Variants in GALNTL6 observed in about 807,000 individuals in gnomAD.
GALNTL6 encodes polypeptide N-acetylgalactosaminyltransferase-like 6.
Under a neutral mutation model 73.7 loss-of-function variants are expected in GALNTL6, and 46 were observed. The ratio of observed to expected loss-of-function variants is 0.62; its 90% CI spans 0.49 to 0.80. The LOEUF is 0.80. GALNTL6 is among the 30% of genes least tolerant of loss of function. The pLI is 0.00. For missense variants in GALNTL6, 604 were observed against 755.0 expected (o/e 0.80, Z 2.34); for synonymous variants, 259 against 263.7 (o/e 0.98, Z 0.17).
intron 2 of GALNTL6, among the ~76,000 whole-genome samples, chr4:172,053,006 A>C (rs1730921400): frequency 6.6e-6 from 1 of 152,198 alleles, no homozygotes; most frequent in South Asian, 2.1e-4. Context: ...CAGGCAGCAC[A>C]ATGAAAGAAA....
At chr4:172,133,042 A>G (rs973381191) in intron 2 of GALNTL6, among the ~76,000 whole-genome samples, 3 of 152,232 alleles carry the variant, frequency 2.0e-5, no homozygotes, top group African/African-American at 7.2e-5. Context: ...TTACAAATGA[A>G]TGACTTAACT....
chr4:172,916,570 T>C lies in GALNTL6; in HGVS notation c.1042-14591T>C, dbSNP rs1398184962. ...AAAGTCTCAGGATACAAAATCAATG[T>C]GCAAAAATCACAAGCATTCCTATAC... On this transcript the variant is annotated intron_variant, in intron 8 of 12. Coordinates refer to ENST00000506823, the MANE Select transcript of GALNTL6 (RefSeq NM_001034845.3). Among the ~76,000 whole-genome samples, 3 of 152,140 alleles carry C rather than the reference T, an allele frequency of 2.0e-5. No individual in the cohort carries two copies. The East Asian group carries it at 5.8e-4, about 29-fold the overall frequency.
At chr4:171,881,365 C>G (rs1460589747) in intron 2 of GALNTL6, among the ~76,000 whole-genome samples, 1 of 152,098 alleles carries the variant, frequency 6.6e-6, no homozygotes, top group Non-Finnish European at 1.5e-5. Flanking sequence ...AATCTCATGT[C>G]AAATTGCAAT....
At chr4:172,199,116 T>G (rs994805977) in intron 2 of GALNTL6, among the ~76,000 whole-genome samples, 1 of 152,190 alleles carries the variant, frequency 6.6e-6, no homozygotes, top group African/African-American at 2.4e-5. Context: ...GCCACCGTTT[T>G]ATCCTCCACT....
At chr4:172,875,135 C>T (rs1674474855) in intron 7 of GALNTL6, among the ~76,000 whole-genome samples, 1 of 152,228 alleles carries the variant, frequency 6.6e-6, no homozygotes, top group Admixed American at 6.5e-5. Flanking sequence ...GGGCAAAACA[C>T]TGAAGCGCTG....
intron 7 of GALNTL6, among the ~76,000 whole-genome samples, chr4:172,831,379 G>T (rs982721498): frequency 2.0e-5 from 3 of 152,118 alleles, no homozygotes; most frequent in Admixed American, 6.6e-5. Context: ...AGGATTCACC[G>T]AGTGTACTGC....
chr4:171,860,461 A>G (rs1269648956), intron 2 of GALNTL6, among the ~76,000 whole-genome samples: 2 of 152,150 alleles, frequency 1.3e-5, no homozygotes, highest in South Asian at 2.1e-4. Flanking sequence ...AAGCACCCTG[A>G]CAACCTGGCT....
rs1436375215 is a variant in GALNTL6, at chr4:173,040,545, TC to T, written c.*446del. The T allele has an allele frequency of 6.4e-6, 1 of 156,176 alleles. No individual in the cohort carries two copies. The highest frequency in any genetic ancestry group is 6.4e-5 in the Admixed American group (1 of 15,584). 9.7% of individuals were successfully genotyped at this position (156,176 alleles called of 1,614,324 possible). A position where few individuals can be genotyped will look rare whatever the true frequency, so the allele number is the denominator to read the frequency against. On this transcript the variant is annotated 3_prime_UTR_variant, in exon 13 of 13. Coordinates refer to ENST00000506823, the MANE Select transcript of GALNTL6 (RefSeq NM_001034845.3). ...GCCAAGCTTAAGGGGTGAGCTGTACTCTTTGGTGCCATTCTCTGACTAAGAA... is the reference window on the plus strand; with the variant it reads ...GCCAAGCTTAAGGGGTGAGCTGTACTTTTGGTGCCATTCTCTGACTAAGAA...
At chr4:172,468,138 G>A (rs191204974) in intron 5 of GALNTL6, among the ~76,000 whole-genome samples, 10 of 151,918 alleles carry the variant, frequency 6.6e-5, no homozygotes, top group Middle Eastern at 3.4e-3. Context: ...GCAATCCTCC[G>A]CCCTTGGCCT....
intron 2 of GALNTL6, among the ~76,000 whole-genome samples, chr4:172,105,150 CA>C (rs1169439363): frequency 4.6e-5 from 7 of 151,682 alleles, no homozygotes; most frequent in African/African-American, 1.7e-4. Context: ...AACAGAATAA[CA>C]AATTTATAAA....
intron 5 of GALNTL6, among the ~76,000 whole-genome samples, chr4:172,535,190 A>G (rs546293648): frequency 6.6e-6 from 1 of 152,234 alleles, no homozygotes; most frequent in African/African-American, 2.4e-5. Flanking sequence ...TAGTATTAAA[A>G]TCAAAACCAT....
At chr4:172,764,459 T>C (rs1321890758) in intron 5 of GALNTL6, among the ~76,000 whole-genome samples, 3 of 151,964 alleles carry the variant, frequency 2.0e-5, no homozygotes, top group African/African-American at 7.2e-5. Flanking sequence ...TATATAATAA[T>C]TATTGTACAG....
intron 2 of GALNTL6, among the ~76,000 whole-genome samples, chr4:172,197,181 C>A (rs889600545): frequency 6.6e-6 from 1 of 151,730 alleles, no homozygotes; most frequent in African/African-American, 2.4e-5. Context: ...AATGAACTTT[C>A]ATGTACAATT....
At chr4:172,411,095 A>G (rs11942831) in intron 5 of GALNTL6, among the ~76,000 whole-genome samples, 3,141 of 152,076 alleles carry the variant, frequency 0.021, 100 homozygotes, top group African/African-American at 0.071. Context: ...CAACTTTTTG[A>G]TTTTTTCTGA....
chr4:172,235,848 A>G (rs1328256015), intron 3 of GALNTL6, among the ~76,000 whole-genome samples: 1 of 152,026 alleles, frequency 6.6e-6, no homozygotes, highest in Non-Finnish European at 1.5e-5. Flanking sequence ...TTGTCCAGGT[A>G]TGCCCAGTGT....
At chr4:172,073,743 G>A (rs1427359304) in intron 2 of GALNTL6, among the ~76,000 whole-genome samples, 7 of 152,316 alleles carry the variant, frequency 4.6e-5, no homozygotes, top group South Asian at 2.1e-4. Context: ...CAGCAGGGCT[G>A]GAGATTGCTG....
Position 172,261,360 on chromosome 4 carries a change from C to G in GALNTL6, c.247+31596C>G, listed in dbSNP as rs144186068. On this transcript the variant is annotated intron_variant, in intron 3 of 12. Coordinates refer to ENST00000506823, the MANE Select transcript of GALNTL6 (RefSeq NM_001034845.3). ...GGGTTGTATATTTCCAGGAATTTAT[C>G]CATCTCCTCTAGATTTTCTAGTTTG... is the stretch of plus-strand genomic sequence containing the variant. Among the ~76,000 whole-genome samples, 1,291 of 151,602 alleles carry G rather than the reference C, an allele frequency of 8.5e-3. 25 individuals carry two copies. Among genetic ancestry groups the G allele is most frequent in the African/African-American group, 0.03 (1,231 of 41,496 alleles).
chr4:172,539,875 T>TTATATATATATATATA (rs10589603), intron 5 of GALNTL6, among the ~76,000 whole-genome samples: 4 of 126,654 alleles, frequency 3.2e-5, no homozygotes, highest in South Asian at 2.8e-4. Flanking sequence ...ATACATATGA[T>TTATATATATATATATA]TATATATATA....
chr4:172,435,752 A>C (rs748185719), intron 5 of GALNTL6, among the ~76,000 whole-genome samples: 3 of 152,154 alleles, frequency 2.0e-5, no homozygotes, highest in African/African-American at 4.8e-5. Flanking sequence ...TTTAACCTAG[A>C]AAGAAAAGCA....
Sources: gnomAD v4.1 joint callset for allele counts (sites outside exome capture counted in the v4.1 genomes callset) on GRCh38, gnomAD v4.1.1 for gene constraint, MANE v1.5 for transcripts, NCBI Gene and HGNC (gene_info 2026-07-23, HGNC 2026-07-21) for gene names.